The following EPB41L4A variants were observed in gnomAD, a reference collection of about 807,000 sequenced individuals.
EPB41L4A encodes the protein erythrocyte membrane protein band 4.1 like 4A.
In EPB41L4A, 100 loss-of-function variants were observed where a neutral mutation model predicts 108.6. The ratio of observed to expected loss-of-function variants is 0.92; its 90% CI spans 0.78 to 1.09. The LOEUF (loss-of-function observed/expected upper bound fraction) is 1.09, where lower values mean the gene tolerates loss of function less well. EPB41L4A is among the 50% of genes least tolerant of loss of function. EPB41L4A has a pLI of 0.00. For missense variants in EPB41L4A, 1,030 were observed against 842.7 expected, an observed-to-expected ratio of 1.22 and a Z score of -2.75; for synonymous variants, 319 against 289.0, an observed-to-expected ratio of 1.10 and a Z score of -1.05.
In EPB41L4A at chr5:112,164,867, T is replaced by A; in HGVS notation, c.*123A>T. On this transcript the variant is annotated 3_prime_UTR_variant, in exon 23 of 23. Coordinates refer to ENST00000261486, the MANE Select transcript of EPB41L4A (RefSeq NM_022140.5). ...AAAAAAAGAAGCAAAAGATAATGTATTTTCTCATGCTGAAGAAATACTTGC... is the reference window on the plus strand; with the variant it reads ...AAAAAAAGAAGCAAAAGATAATGTAATTTCTCATGCTGAAGAAATACTTGC... 9.1e-7 allele frequency: 1 copy of A among 1,093,240 alleles called. No homozygotes were observed. Among genetic ancestry groups the A allele is most frequent in the Non-Finnish European group, 1.3e-6 (1 of 794,594 alleles). 67.7% of individuals were successfully genotyped at this position (1,093,240 alleles called of 1,614,324 possible).
intron 1 of EPB41L4A, among the ~76,000 whole-genome samples, chr5:112,354,941 G>T (rs534849277): frequency 6.6e-6 from 1 of 151,962 alleles, no homozygotes; most frequent in Admixed American, 6.6e-5. Flanking sequence ...GTGTAACTCT[G>T]GAAAGAAGTA....
intron 17 of EPB41L4A, among the ~76,000 whole-genome samples, chr5:112,192,954 T>C (rs2150258051): frequency 6.6e-6 from 1 of 152,334 alleles, no homozygotes; most frequent in East Asian, 1.9e-4. Flanking sequence ...TTTGTGTTGT[T>C]TGCGCAGAAA....
chr5:112,375,668 A>G (rs1303846547), intron 1 of EPB41L4A, among the ~76,000 whole-genome samples: 8 of 152,228 alleles, frequency 5.3e-5, no homozygotes, highest in Non-Finnish European at 1.2e-4. Flanking sequence ...CCCTTGAGGT[A>G]GTTGCACTGC....
intron 2 of EPB41L4A, among the ~76,000 whole-genome samples, chr5:112,296,816 T>A (rs1485990994): frequency 1.3e-5 from 2 of 152,024 alleles, no homozygotes; most frequent in East Asian, 1.9e-4. Context: ...TGCCTTTGCA[T>A]CCTCATAGCT....
At chr5:112,341,101 G>A (rs1439690693) in intron 1 of EPB41L4A, among the ~76,000 whole-genome samples, 4 of 152,158 alleles carry the variant, frequency 2.6e-5, no homozygotes, top group Middle Eastern at 3.4e-3. Flanking sequence ...TTTTCTTTAC[G>A]TTTATTGTAT....
chr5:112,318,214 AG>A (rs1755551274), intron 1 of EPB41L4A, among the ~76,000 whole-genome samples: 1 of 152,180 alleles, frequency 6.6e-6, no homozygotes. Flanking sequence ...TTTTGATAGG[AG>A]TTCACAAAAA....
At chr5:112,152,046 T>G (rs911830010) in intron 12 of EPB41L4A, among the ~76,000 whole-genome samples, 5 of 152,198 alleles carry the variant, frequency 3.3e-5, no homozygotes, top group Non-Finnish European at 7.3e-5. Context: ...TTAGTCTTTC[T>G]TGAGTTAGAT....
chr5:112,402,194 G>GTGTA (rs951836572), intron 1 of EPB41L4A, among the ~76,000 whole-genome samples: 6 of 152,114 alleles, frequency 3.9e-5, no homozygotes, highest in Admixed American at 3.9e-4. Flanking sequence ...GTTTAAAAGT[G>GTGTA]TGTAGCACCT....
intron 1 of EPB41L4A, among the ~76,000 whole-genome samples, chr5:112,357,480 C>G (rs1490876888): frequency 1.3e-5 from 2 of 152,200 alleles, no homozygotes; most frequent in Non-Finnish European, 2.9e-5. Flanking sequence ...ACAACCACAC[C>G]TGTGGCTTCA....
chr5:112,151,614 C>T (rs1184614165), intron 12 of EPB41L4A, among the ~76,000 whole-genome samples: 8 of 151,778 alleles, frequency 5.3e-5, no homozygotes, highest in Non-Finnish European at 1.0e-4. Flanking sequence ...CACCATGTTG[C>T]CAAGGCTGGT....
At chr5:112,339,529 T>TATATAG (rs1757164737) in intron 1 of EPB41L4A, among the ~76,000 whole-genome samples, 2 of 62,642 alleles carry the variant, frequency 3.2e-5, no homozygotes, top group African/African-American at 1.3e-4. Flanking sequence ...GATATATATC[T>TATATAG]ATATATATAT....
chr5:112,366,225 C>A (rs1051066128), intron 1 of EPB41L4A, among the ~76,000 whole-genome samples: 1 of 151,992 alleles, frequency 6.6e-6, no homozygotes, highest in Non-Finnish European at 1.5e-5. Flanking sequence ...ACTCTCCTCT[C>A]CTTTTTTATT....
chr5:112,157,064 T>C (rs1233072285), intron 12 of EPB41L4A, among the ~76,000 whole-genome samples: 4 of 151,810 alleles, frequency 2.6e-5, no homozygotes, highest in Non-Finnish European at 4.4e-5. Flanking sequence ...AATATAGTAA[T>C]TGAGACAGCG....
intron 4 of EPB41L4A, among the ~76,000 whole-genome samples, chr5:112,267,544 C>T (rs951891368): frequency 3.9e-5 from 6 of 152,152 alleles, no homozygotes; most frequent in African/African-American, 7.2e-5. Context: ...CAGATGTCCA[C>T]GTAAAATAAA....
intron 1 of EPB41L4A, among the ~76,000 whole-genome samples, chr5:112,391,681 T>C (rs1021042965): frequency 1.3e-5 from 2 of 152,044 alleles, no homozygotes; most frequent in African/African-American, 4.8e-5. Flanking sequence ...AGGAGAACTT[T>C]CCCAACCTAG....
chr5:112,223,470 G>T (rs1426200918), intron 12 of EPB41L4A, among the ~76,000 whole-genome samples: 1 of 152,062 alleles, frequency 6.6e-6, no homozygotes, highest in Non-Finnish European at 1.5e-5. Flanking sequence ...GTAAAGCAAA[G>T]GTGTGGAATC....
chr5:112,334,604 C>T (rs1480340434), intron 1 of EPB41L4A, among the ~76,000 whole-genome samples: 1 of 152,142 alleles, frequency 6.6e-6, no homozygotes, highest in African/African-American at 2.4e-5. Context: ...TTTAAATTCC[C>T]CTATGACATG....
chr5:112,152,801 A>G (rs1759516721), intron 12 of EPB41L4A, among the ~76,000 whole-genome samples: 1 of 152,238 alleles, frequency 6.6e-6, no homozygotes. Context: ...TGAAATCATG[A>G]AGAAAAAAAT....
Position 112,339,543 on chromosome 5 carries a change from T to TATATATA in EPB41L4A, c.100-32054_100-32053insTATATAT, listed in dbSNP as rs754627802. On this transcript the variant is annotated intron_variant, in intron 1 of 22. Coordinates refer to ENST00000261486, the MANE Select transcript of EPB41L4A (RefSeq NM_022140.5). ...AGATATATATCTATATATATATATA[T>TATATATA]TTTTTTTTTAGACAGAGTCTCATTC... Among the ~76,000 whole-genome samples the TATATATA allele has an allele frequency of 4.4e-5, 4 of 90,482 alleles. 1 individual carries two copies. Among genetic ancestry groups the TATATATA allele is most frequent in the African/African-American group, 2.4e-4 (4 of 16,954 alleles). The allele number at this position is 90,482 out of a possible 152,430, so 59.4% of individuals were successfully genotyped here.
Sources: gnomAD v4.1 joint callset for allele counts (sites outside exome capture counted in the v4.1 genomes callset) on GRCh38, gnomAD v4.1.1 for gene constraint, MANE v1.5 for transcripts, NCBI Gene and HGNC (gene_info 2026-07-23, HGNC 2026-07-21) for gene names.